Variants in DLGAP2 observed in about 807,000 individuals in gnomAD.
DLGAP2 encodes disks large-associated protein 2.
In DLGAP2, 26 loss-of-function variants were observed where a neutral mutation model predicts 100.3. That is an observed-to-expected ratio of 0.26 (90% CI 0.19 to 0.36). The LOEUF is 0.36. Among genes scored for constraint, DLGAP2 ranks in the 10% least tolerant of loss-of-function variants. The pLI, the probability that DLGAP2 is intolerant of heterozygous loss-of-function variation, is 1.00. For synonymous variants in DLGAP2, 886 were observed against 630.1 expected, an observed-to-expected ratio of 1.41 and a Z score of -6.08; for missense variants, 1,858 against 1,453.2, an observed-to-expected ratio of 1.28 and a Z score of -4.53.
At chr8:1,644,371 G>T (rs796162786) in intron 8 of DLGAP2, among the ~76,000 whole-genome samples, 1 of 152,174 alleles carries the variant, frequency 6.6e-6, no homozygotes, top group African/African-American at 2.4e-5. Context: ...CCCACCAGAC[G>T]GCCCAGCTGC....
intron 3 of DLGAP2, among the ~76,000 whole-genome samples, chr8:1,445,994 C>A (rs1407240926): frequency 6.6e-6 from 1 of 151,936 alleles, no homozygotes; most frequent in African/African-American, 2.4e-5. Flanking sequence ...GATATTAGCC[C>A]TTTGTCAGAT....
rs1219502726 is a variant in DLGAP2, at chr8:1,447,052, A to T, written c.107-54314A>T. ...GTCGTCTGCAAAGAGGGACAATTTG[A>T]CTTCCTCTTTTCCTAATTGAATACC... On this transcript the variant is annotated intron_variant, in intron 3 of 14. Transcript: ENST00000637795. 2.0e-5 allele frequency among the ~76,000 whole-genome samples: 3 copies of T among 152,180 alleles called. No homozygotes were observed. In the East Asian group the frequency reaches 5.8e-4, roughly 29 times the overall value.
chr8:1,485,082 G>A (rs1799203181), intron 3 of DLGAP2, among the ~76,000 whole-genome samples: 1 of 152,214 alleles, frequency 6.6e-6, no homozygotes, highest in African/African-American at 2.4e-5. Flanking sequence ...AGAGAATGAT[G>A]TGGACACTTA....
At chr8:1,422,958 G>T (rs998135469) in intron 3 of DLGAP2, among the ~76,000 whole-genome samples, 1 of 152,152 alleles carries the variant, frequency 6.6e-6, no homozygotes, top group East Asian at 1.9e-4. Flanking sequence ...CCTTAGCCTG[G>T]GGAGGGGATC....
intron 2 of DLGAP2, among the ~76,000 whole-genome samples, chr8:1,144,021 C>T (rs563711190): frequency 8.5e-5 from 13 of 152,312 alleles, no homozygotes; most frequent in African/African-American, 2.2e-4. Context: ...CCCCACAAAG[C>T]GCATCTTAGT....
intron 4 of DLGAP2, among the ~76,000 whole-genome samples, chr8:1,515,433 C>T (rs1049644172): frequency 2.7e-5 from 4 of 146,652 alleles, no homozygotes; most frequent in Non-Finnish European, 6.1e-5. Flanking sequence ...CACGCAGACA[C>T]ATGCACACAC....
At chr8:850,870 G>C (rs868511232) in intron 1 of DLGAP2, among the ~76,000 whole-genome samples, 1 of 151,910 alleles carries the variant, frequency 6.6e-6, no homozygotes, top group Admixed American at 6.6e-5. Flanking sequence ...AGTTAGTAAA[G>C]TTTGGTAACA....
intron 2 of DLGAP2, among the ~76,000 whole-genome samples, chr8:1,156,534 G>A (rs1462459069): frequency 2.0e-5 from 3 of 151,486 alleles, no homozygotes; most frequent in African/African-American, 2.4e-5. Flanking sequence ...GAGTGGCCCC[G>A]ACTCCCCCAA....
At chr8:1,010,546 G>C (rs1801251661) in intron 2 of DLGAP2, among the ~76,000 whole-genome samples, 1 of 152,238 alleles carries the variant, frequency 6.6e-6, no homozygotes, top group African/African-American at 2.4e-5. Context: ...AGTTCGGGCA[G>C]TGAAGAGTAG....
intron 1 of DLGAP2, among the ~76,000 whole-genome samples, chr8:890,727 C>G (rs1324857672): frequency 6.6e-6 from 1 of 152,146 alleles, no homozygotes; most frequent in Non-Finnish European, 1.5e-5. Flanking sequence ...TATCACAGAT[C>G]CCCTTGGCAG....
At chr8:1,572,551 A>G (rs1272008368) in intron 6 of DLGAP2, among the ~76,000 whole-genome samples, 10 of 77,804 alleles carry the variant, frequency 1.3e-4, no homozygotes, top group Admixed American at 1.4e-4. Flanking sequence ...GCGTCTGATG[A>G]GATGGAGAGG....
intron 8 of DLGAP2, among the ~76,000 whole-genome samples, chr8:1,664,127 G>A (rs1798483707): frequency 6.6e-6 from 1 of 152,228 alleles, no homozygotes; most frequent in Non-Finnish European, 1.5e-5. Context: ...GGGCACAGCA[G>A]CATCAGCATT....
intron 6 of DLGAP2, among the ~76,000 whole-genome samples, chr8:1,624,865 C>G (rs911212603): frequency 4.7e-5 from 7 of 147,980 alleles, no homozygotes; most frequent in Non-Finnish European, 8.9e-5. Flanking sequence ...CTCTCTCTCT[C>G]TCTGTCTCTC....
chr8:945,385 TG>T (rs1194481611), intron 2 of DLGAP2, among the ~76,000 whole-genome samples: 1 of 152,188 alleles, frequency 6.6e-6, no homozygotes, highest in African/African-American at 2.4e-5. Context: ...AGACCCCTTT[TG>T]AAACTGACAT....
chr8:1,428,949 G>C (rs879256234), intron 3 of DLGAP2, among the ~76,000 whole-genome samples: 1 of 152,118 alleles, frequency 6.6e-6, no homozygotes, highest in Non-Finnish European at 1.5e-5. Flanking sequence ...CCTGAGGTTT[G>C]GGCATTTCTG....
chr8:949,079 T>A (rs1313621058), intron 2 of DLGAP2, among the ~76,000 whole-genome samples: 6 of 151,972 alleles, frequency 3.9e-5, no homozygotes, highest in Non-Finnish European at 7.4e-5. Flanking sequence ...ACTGCCGCCG[T>A]CTTGAGGGGA....
At chr8:1,056,939 G>A (rs1229562927) in intron 2 of DLGAP2, among the ~76,000 whole-genome samples, 1 of 152,184 alleles carries the variant, frequency 6.6e-6, no homozygotes, top group East Asian at 1.9e-4. Flanking sequence ...AAATAGGGAG[G>A]TGAGAATTTC....
chr8:1,437,352 C>T (rs935466830), intron 3 of DLGAP2, among the ~76,000 whole-genome samples: 7 of 152,240 alleles, frequency 4.6e-5, no homozygotes, highest in African/African-American at 1.7e-4. Context: ...ACCACGAGGC[C>T]ACCTTACGTT....
intron 1 of DLGAP2, among the ~76,000 whole-genome samples, chr8:891,909 C>T (rs955786360): frequency 1.5e-4 from 23 of 152,238 alleles, no homozygotes; most frequent in East Asian, 1.9e-4. Context: ...TGACTGGGGC[C>T]GCATCCACAG....
Sources: allele counts gnomAD v4.1 joint callset (sites outside exome capture counted in the v4.1 genomes callset), GRCh38; gene constraint gnomAD v4.1.1; transcripts MANE v1.5; gene names NCBI Gene and HGNC (gene_info 2026-07-23, HGNC 2026-07-21).